The following TBC1D32 variants were observed in gnomAD, a reference collection of about 807,000 sequenced individuals.
The protein encoded by TBC1D32 is protein broad-minded.
In TBC1D32, 151 loss-of-function variants were observed where a neutral mutation model predicts 170.3. That is an observed-to-expected ratio of 0.89 (90% confidence interval 0.78 to 1.01). The LOEUF is 1.01. Among genes scored for constraint, TBC1D32 ranks in the 50% least tolerant of loss-of-function variants. The pLI, the probability that TBC1D32 is intolerant of heterozygous loss-of-function variation, is 0.00. For synonymous variants in TBC1D32, 498 were observed against 488.0 expected, an observed-to-expected ratio of 1.02 and a Z score of -0.27; for missense variants, 1,464 against 1,457.1, an observed-to-expected ratio of 1.00 and a Z score of -0.08.
chr6:121,229,777 T>C (rs1795508993), intron 20 of TBC1D32, among the ~76,000 whole-genome samples: 1 of 152,126 alleles, frequency 6.6e-6, no homozygotes, highest in Non-Finnish European at 1.5e-5. Context: ...CTGATATGGT[T>C]TAGCTCTTTG....
intron 24 of TBC1D32, among the ~76,000 whole-genome samples, chr6:121,147,648 G>A (rs1317729905): frequency 6.6e-6 from 1 of 151,998 alleles, no homozygotes; most frequent in Non-Finnish European, 1.5e-5. Context: ...CTGGAGTGCA[G>A]TGGTGCAATC....
chr6:121,263,850 T>C (rs1391443869), intron 15 of TBC1D32, among the ~76,000 whole-genome samples: 1 of 151,882 alleles, frequency 6.6e-6, no homozygotes, highest in Non-Finnish European at 1.5e-5. Context: ...AGGTAAATAA[T>C]GAAAGTAAGG....
At chr6:121,143,920 T>C (rs1243827011) in intron 24 of TBC1D32, among the ~76,000 whole-genome samples, 2 of 152,114 alleles carry the variant, frequency 1.3e-5, no homozygotes, top group African/African-American at 4.8e-5. Flanking sequence ...TAAGAGTATA[T>C]GGTCAGTGAC....
chr6:121,174,462 T>C (rs1787486133), intron 22 of TBC1D32, among the ~76,000 whole-genome samples: 1 of 152,052 alleles, frequency 6.6e-6, no homozygotes. Context: ...AAGTTAAGCT[T>C]AACAAGTAAC....
chr6:121,322,805 T>G (rs1347721012), intron 1 of TBC1D32, among the ~76,000 whole-genome samples: 1 of 152,218 alleles, frequency 6.6e-6, no homozygotes, highest in African/African-American at 2.4e-5. Context: ...GGTTTATCTC[T>G]TCATTTTCTA....
chr6:121,323,056 C>A (rs1583758710), intron 1 of TBC1D32, among the ~76,000 whole-genome samples: 1 of 152,166 alleles, frequency 6.6e-6, no homozygotes, highest in Admixed American at 6.5e-5. Context: ...CTACCCACCA[C>A]ATTTTTGGCA....
intron 29 of TBC1D32, among the ~76,000 whole-genome samples, chr6:121,110,874 C>T (rs1197799294): frequency 6.6e-6 from 1 of 152,082 alleles, no homozygotes; most frequent in Non-Finnish European, 1.5e-5. Flanking sequence ...AACAGCATGT[C>T]ATCTGTTTTA....
At position 121,114,991 on chromosome 6, in the gene TBC1D32, C is replaced by T. The variant is rs114129806; in HGVS notation, c.3053+181G>A. ...TAACAATGAACTGTAACTGATTTAC[C>T]TAGAGAGGTAATTTAATCATGTGCC... On this transcript the variant is annotated intron_variant, in intron 27 of 31. Transcript: ENST00000398212. Among the ~76,000 whole-genome samples the T allele has an allele frequency of 9.9e-3, 1,513 of 152,178 alleles. 21 individuals carry two copies. The highest frequency in any genetic ancestry group is 0.034 in the African/African-American group (1,422 of 41,520).
intron 31 of TBC1D32, among the ~76,000 whole-genome samples, chr6:121,084,345 C>G (rs1775964930): frequency 6.6e-6 from 1 of 152,040 alleles, no homozygotes; most frequent in South Asian, 2.1e-4. Flanking sequence ...GCTCTTTGCC[C>G]AGTGTGTGGC....
At chr6:121,170,316 C>A in intron 22 of TBC1D32, 1 of 1,279,064 alleles carries the variant, frequency 7.8e-7, no homozygotes, top group Non-Finnish European at 1.0e-6. Context: ...AGCAGAAAAA[C>A]ATTAAACAAG....
At chr6:121,233,597 T>C (rs1328752049) in intron 20 of TBC1D32, among the ~76,000 whole-genome samples, 1 of 152,138 alleles carries the variant, frequency 6.6e-6, no homozygotes, top group East Asian at 1.9e-4. Context: ...TTTATGTGAG[T>C]CCTTATGGGT....
chr6:121,299,594 A>C, intron 9 of TBC1D32, 89 bp from the exon 10 acceptor site: 1 of 1,270,710 alleles, frequency 7.9e-7, no homozygotes, highest in Non-Finnish European at 1.1e-6. Context: ...CAACATCATA[A>C]ATCACACAAT....
At chr6:121,266,751 G>A (rs1800543105) in intron 15 of TBC1D32, among the ~76,000 whole-genome samples, 2 of 152,072 alleles carry the variant, frequency 1.3e-5, no homozygotes, top group Admixed American at 6.6e-5. Flanking sequence ...ATGAGCTCAT[G>A]TCCTTTGCAG....
intron 20 of TBC1D32, among the ~76,000 whole-genome samples, chr6:121,231,538 A>G (rs148369795): frequency 0.012 from 1,877 of 152,254 alleles, 108 homozygotes; most frequent in Admixed American, 0.092. Flanking sequence ...ATTCCCACTG[A>G]CAGTGTAAAA....
At chr6:121,100,118 TG>T (rs1391295151) in intron 30 of TBC1D32, among the ~76,000 whole-genome samples, 3 of 151,996 alleles carry the variant, frequency 2.0e-5, no homozygotes, top group African/African-American at 7.2e-5. Context: ...TTAATTGCAC[TG>T]TGGTCTGAGA....
At chr6:121,087,366 T>C (rs902129181) in intron 31 of TBC1D32, among the ~76,000 whole-genome samples, 5 of 152,192 alleles carry the variant, frequency 3.3e-5, no homozygotes, top group Admixed American at 2.0e-4. Context: ...AAGAGCTCTT[T>C]AGTGACCTAT....
At chr6:121,320,957 G>A in intron 2 of TBC1D32, among the ~76,000 whole-genome samples, 1 of 152,098 alleles carries the variant, frequency 6.6e-6, no homozygotes, top group East Asian at 1.9e-4. Context: ...ATGGCATCCT[G>A]CCTAGGGCTG....
Position 121,118,492 on chromosome 6 carries a change from G to C in TBC1D32, c.2984-3251C>G, listed in dbSNP as rs569576071. ...CACATGAACTGATATCACTCAGTGT[G>C]GGTCATGCATTCTGTTCTGTTTTTG... On this transcript the variant is annotated intron_variant, in intron 26 of 31. Transcript: ENST00000398212. 2.0e-5 allele frequency among the ~76,000 whole-genome samples: 3 copies of C among 152,276 alleles called. No homozygotes were observed. In the South Asian group the frequency reaches 6.2e-4, roughly 32 times the overall value.
At chr6:121,297,321 C>T in intron 10 of TBC1D32, among the ~76,000 whole-genome samples, 1 of 151,974 alleles carries the variant, frequency 6.6e-6, no homozygotes, top group African/African-American at 2.4e-5. Flanking sequence ...CCAGCCAGTT[C>T]ATTTAATTGT....
Sources: gnomAD v4.1 joint callset for allele counts (sites outside exome capture counted in the v4.1 genomes callset) on GRCh38, gnomAD v4.1.1 for gene constraint, MANE v1.5 for transcripts, NCBI Gene and HGNC (gene_info 2026-07-23, HGNC 2026-07-21) for gene names.